The following YIPF4 variants were observed in gnomAD, a reference collection of about 807,000 sequenced individuals.
YIPF4 encodes protein YIPF4.
A neutral mutation model predicts 29.4 loss-of-function variants in YIPF4; 18 were observed. The observed-to-expected ratio is 0.61, with a 90% CI of 0.42 to 0.91. The LOEUF is 0.91. Ranked by LOEUF, YIPF4 falls within the 40% of genes least tolerant of loss-of-function variation. The pLI, the probability that YIPF4 is intolerant of heterozygous loss-of-function variation, is 0.00. For synonymous variants in YIPF4, 115 were observed against 104.7 expected, an observed-to-expected ratio of 1.10 and a Z score of -0.60; for missense variants, 279 against 282.7, an observed-to-expected ratio of 0.99 and a Z score of 0.09.
rs1189109452 is a variant in YIPF4 at position 32,307,881 on chromosome 2, A to C, written c.*2255A>C. On this transcript the variant is annotated 3_prime_UTR_variant, in exon 6 of 6. Transcript: ENST00000238831. ...TGGAGGTGGAGGTTGCAGTGAGCCA[A>C]GATTGTGCCATTGCACTCCAGCCTG... is the stretch of plus-strand genomic sequence containing the variant. 1 of 149,720 alleles carries C rather than the reference A, an allele frequency of 6.7e-6. No homozygotes were observed. Among genetic ancestry groups the C allele is most frequent in the East Asian group, 2.0e-4 (1 of 5,000 alleles). The allele number at this position is 149,720 out of a possible 1,614,324, so 9.3% of individuals were successfully genotyped here.
At chr2:32,293,954 A>G (rs1168574218) in intron 3 of YIPF4, among the ~76,000 whole-genome samples, 1 of 74,362 alleles carries the variant, frequency 1.3e-5, no homozygotes, top group African/African-American at 5.4e-5. Flanking sequence ...GACCCCCCCA[A>G]CCTCCCTCCC....
intron 3 of YIPF4, among the ~76,000 whole-genome samples, chr2:32,296,856 G>A (rs939070381): frequency 1.3e-5 from 2 of 152,174 alleles, no homozygotes; most frequent in African/African-American, 4.8e-5. Flanking sequence ...GATCTTGCAT[G>A]CAGTAATTAT....
At chr2:32,295,589 C>T (rs2031147101) in intron 3 of YIPF4, among the ~76,000 whole-genome samples, 1 of 152,068 alleles carries the variant, frequency 6.6e-6, no homozygotes. Context: ...CTCTAATGTA[C>T]TTAAATCTCC....
At chr2:32,279,608 A>G (rs1194282237) in intron 1 of YIPF4, among the ~76,000 whole-genome samples, 6 of 143,106 alleles carry the variant, frequency 4.2e-5, no homozygotes, top group Admixed American at 3.6e-4. Context: ...ACGGGGTTTC[A>G]TAGTGTTAGC....
chr2:32,312,135 A>T lies in YIPF4; in HGVS notation c.*6509A>T, dbSNP rs147490610. The T allele has an allele frequency of 9.2e-5, 14 of 152,326 alleles. No homozygotes were observed. The East Asian group carries it at 2.7e-3, about 29-fold the overall frequency. 9.4% of individuals were successfully genotyped at this position (152,326 alleles called of 1,614,324 possible). A position where few individuals can be genotyped will look rare whatever the true frequency, so the allele number is the denominator to read the frequency against. On this transcript the variant is annotated 3_prime_UTR_variant, in exon 6 of 6. Transcript: ENST00000238831. ...GTTTATGATGATGGGCCTAGGTACTAAATTCCTCATTCAATCTTTTTTTAC... is the reference window on the plus strand; with the variant it reads ...GTTTATGATGATGGGCCTAGGTACTTAATTCCTCATTCAATCTTTTTTTAC...
chr2:32,294,404 A>G (rs916986973), intron 3 of YIPF4, among the ~76,000 whole-genome samples: 6 of 151,498 alleles, frequency 4.0e-5, no homozygotes, highest in Admixed American at 2.0e-4. Context: ...GCGGCCGAGC[A>G]GAGGCGCTCC....
chr2:32,302,330 G>T (rs901781865), intron 5 of YIPF4, among the ~76,000 whole-genome samples: 1 of 152,078 alleles, frequency 6.6e-6, no homozygotes, highest in African/African-American at 2.4e-5. Context: ...CTCCCGGCTG[G>T]TCAGCATTTT....
chr2:32,278,173 G>C lies in YIPF4; in HGVS notation c.18G>C (p.Pro6=). The change falls in exon 1 of 6, where the codon CCG becomes CCC. Residue 6 remains proline, a synonymous_variant. Coordinates refer to ENST00000238831, the MANE Select transcript of YIPF4 (RefSeq NM_032312.4). ...GCCGCGAGATGCAGCCTCCGGGCCC[G>C]CCCCCGGCCTATGCCCCCACTAACG... MQPPG[P]PPAYAPTNGD... 1 of 1,567,690 alleles carries C rather than the reference G, an allele frequency of 6.4e-7. No individual in the cohort carries two copies. The highest frequency in any genetic ancestry group is 8.6e-7 in the Non-Finnish European group (1 of 1,157,430).
chr2:32,292,069 C>T (rs2030941729), intron 2 of YIPF4, 108 bp from the exon 3 acceptor site: 2 of 656,442 alleles, frequency 3.0e-6, no homozygotes, highest in African/African-American at 1.9e-5. Flanking sequence ...TTTTGTTGAC[C>T]TATGGAGATT....
intron 5 of YIPF4, among the ~76,000 whole-genome samples, chr2:32,301,826 C>T (rs2148966913): frequency 6.6e-6 from 1 of 152,220 alleles, no homozygotes; most frequent in East Asian, 1.9e-4. Flanking sequence ...CTGCCTCAGC[C>T]TTCCTAGTAG....
rs547744145 is a variant in YIPF4 at position 32,296,465 on chromosome 2, A to G, written c.406-1769A>G. On this transcript the variant is annotated intron_variant, in intron 3 of 5. Coordinates refer to ENST00000238831, the MANE Select transcript of YIPF4 (RefSeq NM_032312.4). Reference sequence around the variant, plus strand: ...CAGCCTGGGTGACAGAGCAAGACTCAGTCTCAAAAAAAAAAAAAAGGAAAA... The same window carrying G: ...CAGCCTGGGTGACAGAGCAAGACTCGGTCTCAAAAAAAAAAAAAAGGAAAA... Among the ~76,000 whole-genome samples the G allele has an allele frequency of 2.1e-3, 323 of 151,128 alleles. 3 individuals are homozygous for G. The highest frequency in any genetic ancestry group is 7.2e-3 in the African/African-American group (295 of 41,186).
rs2031779249 is a variant in YIPF4, at chr2:32,314,390, T to A, written c.*8764T>A. 6.6e-6 allele frequency: 1 copy of A among 152,182 alleles called. No individual in the cohort carries two copies. The highest frequency in any genetic ancestry group is 2.1e-4 in the South Asian group (1 of 4,828). The allele number at this position is 152,182 out of a possible 1,614,324, so 9.4% of individuals were successfully genotyped here. ...TCTTTTAAAACAGCTTTAGAATTCC[T>A]TGGCCAGGTGCGGTGGCTTACGCCT... On this transcript the variant is annotated 3_prime_UTR_variant, in exon 6 of 6. Transcript: ENST00000238831.
At chr2:32,289,474 C>T (rs926996508) in intron 1 of YIPF4, among the ~76,000 whole-genome samples, 2 of 152,164 alleles carry the variant, frequency 1.3e-5, no homozygotes, top group Non-Finnish European at 2.9e-5. Context: ...AGGTATCTAT[C>T]TGTGTTAGAG....
intron 1 of YIPF4, among the ~76,000 whole-genome samples, chr2:32,289,618 C>A (rs2030826687): frequency 6.6e-6 from 1 of 151,556 alleles, no homozygotes; most frequent in Admixed American, 6.6e-5. Context: ...CTTTTTAATC[C>A]CTATGTGACC....
Position 32,314,693 on chromosome 2 carries a change from A to T in YIPF4, c.*9067A>T, listed in dbSNP as rs574840610. 5.2e-4 allele frequency: 79 copies of T among 152,302 alleles called. 1 individual carries two copies. The highest frequency in any genetic ancestry group is 1.8e-3 in the African/African-American group (76 of 41,548). The allele number at this position is 152,302 out of a possible 1,614,324, so 9.4% of individuals were successfully genotyped here. The stretch of plus-strand genomic sequence containing the variant: ...CGTCTCAAAAAAAAATAAAAAAATA[A>T]GGCTCCAAGCGCTGTTGTGAGGGTT... On this transcript the variant is annotated 3_prime_UTR_variant, in exon 6 of 6. Transcript: ENST00000238831.
At chr2:32,284,902 A>G (rs1183032404) in intron 1 of YIPF4, among the ~76,000 whole-genome samples, 1 of 151,790 alleles carries the variant, frequency 6.6e-6, no homozygotes. Context: ...AAGATAGGGC[A>G]TGTAGAGATT....
intron 3 of YIPF4, among the ~76,000 whole-genome samples, chr2:32,293,937 G>A (rs1233625758): frequency 9.5e-5 from 14 of 146,784 alleles, no homozygotes; most frequent in African/African-American, 3.1e-4. Context: ...TGGCCGGGCG[G>A]GGGGCTGACC....
chr2:32,278,405 G>A (rs1485722577), intron 1 of YIPF4, among the ~76,000 whole-genome samples, 171 bp downstream of exon 1: 1 of 152,190 alleles, frequency 6.6e-6, no homozygotes, highest in Admixed American at 6.5e-5. Flanking sequence ...GAAGGACGGA[G>A]GGAGGGGTGT....
At chr2:32,297,007 T>C (rs1390762709) in intron 3 of YIPF4, among the ~76,000 whole-genome samples, 2 of 152,240 alleles carry the variant, frequency 1.3e-5, no homozygotes, top group Non-Finnish European at 2.9e-5. Context: ...GCTTGCATTC[T>C]GTCTCGTTTC....
Sources: gnomAD v4.1 joint callset for allele counts (sites outside exome capture counted in the v4.1 genomes callset) on GRCh38, gnomAD v4.1.1 for gene constraint, MANE v1.5 for transcripts, NCBI Gene and HGNC (gene_info 2026-07-23, HGNC 2026-07-21) for gene names.